The following MTCL3 variants were observed in gnomAD, a reference collection of about 807,000 sequenced individuals.
MTCL3 encodes microtubule cross-linking factor 3.
At chr6:127,480,925 G>A in the MTCL3 span, among the ~76,000 whole-genome samples, 1 of 152,158 alleles carries the variant, frequency 6.6e-6, no homozygotes, top group Admixed American at 6.5e-5. Context: ...GAAAATAAAT[G>A]TGTTGGAAAT....
the MTCL3 span, chr6:127,514,971 T>A: frequency 6.2e-7 from 1 of 1,614,090 alleles, no homozygotes; most frequent in African/African-American, 1.3e-5. Context: ...GCGCATTTCC[T>A]GCAGTTGACA....
the MTCL3 span, among the ~76,000 whole-genome samples, chr6:127,512,686 T>G: frequency 6.6e-6 from 1 of 152,220 alleles, no homozygotes; most frequent in Non-Finnish European, 1.5e-5. Flanking sequence ...CTCGTACATG[T>G]CGAGTTAGAT....
At chr6:127,475,741 C>T in the MTCL3 span, 4 of 1,598,236 alleles carry the variant, frequency 2.5e-6, no homozygotes, top group African/African-American at 4.0e-5. The surrounding 1 kb of genome is among the most constrained non-coding windows in gnomAD (Gnocchi z 7.3). Flanking sequence ...GTCGTCGTCG[C>T]TCTCCTTCTT....
the MTCL3 span, among the ~76,000 whole-genome samples, chr6:127,479,292 T>C: frequency 2.3e-4 from 35 of 152,226 alleles, no homozygotes; most frequent in Admixed American, 2.3e-3. Context: ...TCACTCTCGT[T>C]GCCATCTTGG....
the MTCL3 span, among the ~76,000 whole-genome samples, chr6:127,483,586 A>G: frequency 6.6e-6 from 1 of 152,218 alleles, no homozygotes; most frequent in Non-Finnish European, 1.5e-5. Flanking sequence ...TGATACAGGA[A>G]TGTGGGCTTT....
At chr6:127,486,071 G>A in the MTCL3 span, among the ~76,000 whole-genome samples, 5 of 152,192 alleles carry the variant, frequency 3.3e-5, no homozygotes, top group Non-Finnish European at 7.4e-5. Flanking sequence ...ATTGAGGTCA[G>A]CTTGTGCAGC....
At chr6:127,491,842 A>G in the MTCL3 span, among the ~76,000 whole-genome samples, 1,944 of 146,910 alleles carry the variant, frequency 0.013, 61 homozygotes, top group African/African-American at 0.047. Context: ...CTATACTCCA[A>G]CCTAGGTGAC....
the MTCL3 span, among the ~76,000 whole-genome samples, chr6:127,493,208 T>C: frequency 6.6e-6 from 1 of 152,190 alleles, no homozygotes; most frequent in African/African-American, 2.4e-5. Flanking sequence ...TTCCTACTTA[T>C]GTAAATTTAC....
chr6:127,506,189 T>A, the MTCL3 span, among the ~76,000 whole-genome samples: 3 of 152,234 alleles, frequency 2.0e-5, no homozygotes, highest in Admixed American at 2.0e-4. Context: ...ATGACTATTA[T>A]CTTTTCTGTA....
chr6:127,495,440 TA>T, the MTCL3 span, among the ~76,000 whole-genome samples: 2 of 152,142 alleles, frequency 1.3e-5, no homozygotes, highest in African/African-American at 4.8e-5. Context: ...GGCCAACATT[TA>T]TAAGGTGAAA....
chr6:127,498,866 T>C, the MTCL3 span, among the ~76,000 whole-genome samples: 3 of 152,044 alleles, frequency 2.0e-5, no homozygotes, highest in Non-Finnish European at 4.4e-5. Flanking sequence ...ATTCAGAAAA[T>C]AAAAGCTATA....
At chr6:127,510,373 A>C in the MTCL3 span, among the ~76,000 whole-genome samples, 1,140 of 152,274 alleles carry the variant, frequency 7.5e-3, 12 homozygotes, top group South Asian at 0.026. Flanking sequence ...TGTGAGCAAA[A>C]GAATCAAGGA....
chr6:127,491,360 T>C, the MTCL3 span, among the ~76,000 whole-genome samples: 2 of 152,194 alleles, frequency 1.3e-5, no homozygotes, highest in African/African-American at 4.8e-5. Flanking sequence ...ACTCCAACTT[T>C]TGGCAACCAC....
At chr6:127,515,457 T>G in the MTCL3 span, 1 of 1,391,894 alleles carries the variant, frequency 7.2e-7, no homozygotes, top group Admixed American at 3.5e-5. This position sits in a 1 kb window ranked among gnomAD's most constrained non-coding sequence, Gnocchi z 4.3. Flanking sequence ...GTACACGCCC[T>G]AATCCTCCCA....
At chr6:127,481,618 T>G in the MTCL3 span, among the ~76,000 whole-genome samples, 6 of 150,874 alleles carry the variant, frequency 4.0e-5, no homozygotes, top group African/African-American at 1.5e-4. Flanking sequence ...AGTTAAATTA[T>G]CTATCTAATG....
the MTCL3 span, among the ~76,000 whole-genome samples, chr6:127,479,869 G>A: frequency 6.6e-6 from 1 of 152,110 alleles, no homozygotes; most frequent in East Asian, 1.9e-4. Flanking sequence ...ACTATTGTAG[G>A]CTGCATTGGA....
At chr6:127,486,316 A>G in the MTCL3 span, among the ~76,000 whole-genome samples, 1 of 152,234 alleles carries the variant, frequency 6.6e-6, no homozygotes, top group African/African-American at 2.4e-5. Context: ...ATGTGTAAGT[A>G]TCACATTTGC....
the MTCL3 span, among the ~76,000 whole-genome samples, chr6:127,513,314 A>G: frequency 6.6e-6 from 1 of 152,206 alleles, no homozygotes; most frequent in Non-Finnish European, 1.5e-5. Context: ...CACACAGCTA[A>G]TGAGTAGACA....
At chr6:127,491,839 C>T in the MTCL3 span, among the ~76,000 whole-genome samples, 9 of 147,998 alleles carry the variant, frequency 6.1e-5, no homozygotes, top group African/African-American at 1.3e-4. Flanking sequence ...CCACTATACT[C>T]CAACCTAGGT....
Sources: allele counts gnomAD v4.1 joint callset (sites outside exome capture counted in the v4.1 genomes callset), GRCh38; gene constraint gnomAD v4.1.1; non-coding constraint Gnocchi (gnomAD v3.1); transcripts MANE v1.5; gene names NCBI Gene and HGNC (gene_info 2026-07-23, HGNC 2026-07-21).